The following ABCA6 variants were observed in gnomAD, a reference collection of about 807,000 sequenced individuals.
ABCA6 encodes the protein ATP-binding cassette sub-family A member 6.
ABCA6 carries 164 observed loss-of-function variants against 191.2 expected under a neutral mutation model. The observed-to-expected ratio is 0.86, with a 90% CI of 0.76 to 0.98. The LOEUF is 0.98. ABCA6 is among the 50% of genes least tolerant of loss of function. The probability of loss-of-function intolerance (pLI) is 0.00; values close to 1 mark genes in which losing one functional copy is unlikely to be tolerated. For synonymous variants in ABCA6, 636 were observed against 647.7 expected, an observed-to-expected ratio of 0.98 and a Z score of 0.27; for missense variants, 1,958 against 1,894.1, an observed-to-expected ratio of 1.03 and a Z score of -0.63.
At chr17:69,111,086 A>G (rs1242778919) in intron 16 of ABCA6, 146 bp from the exon 17 acceptor site, 2 of 673,238 alleles carry the variant, frequency 3.0e-6, no homozygotes, top group East Asian at 5.8e-5. Context: ...CATGATAGTA[A>G]TCTATCAGTT....
intron 25 of ABCA6, among the ~76,000 whole-genome samples, chr17:69,091,523 CTTT>C (rs1196866549): frequency 1.3e-5 from 1 of 76,394 alleles, no homozygotes; most frequent in Non-Finnish European, 2.8e-5. Flanking sequence ...AAATAGACTT[CTTT>C]TTTTTTTTTT....
chr17:69,111,078 T>A, intron 16 of ABCA6, 138 bp from the exon 17 acceptor site: 1 of 729,174 alleles, frequency 1.4e-6, no homozygotes, highest in Non-Finnish European at 2.1e-6. Flanking sequence ...AATACTAACA[T>A]GATAGTAATC....
At position 69,088,209 on chromosome 17, in the gene ABCA6, A is replaced by G; in HGVS notation, c.3656T>C (p.Leu1219Pro). Residue 1219 changes from leucine to proline, a missense_variant, in exon 28 of 39, where the codon CTA becomes CCA. Leu to Pro is a moderately conservative substitution (Grantham distance 98). Transcript: ENST00000284425. ...TCGCATTCTTTTCTTTCCACATTTTAGTTCCATGCATCTTAGAACAAAAAC... is the reference window on the plus strand; with the variant it reads ...TCGCATTCTTTTCTTTCCACATTTTGGTTCCATGCATCTTAGAACAAAAAC... ...LFVFVLRCME[L>P]KCGKKRMRKD... 1 of 1,612,916 alleles carries G rather than the reference A, an allele frequency of 6.2e-7. No individual in the cohort carries two copies.
Position 69,088,233 on chromosome 17 carries a change from A to G in ABCA6, c.3632T>C (p.Val1211Ala). The change falls in exon 28 of 39, where the codon GTT (valine) becomes GCT (alanine). Residue 1211 changes from valine to alanine, a missense_variant. By Grantham distance (64) the Val-to-Ala change is moderately conservative. Coordinates refer to ENST00000284425, the MANE Select transcript of ABCA6 (RefSeq NM_080284.3). ...FIPYFQTLLF[V>A]FVLRCMELKC... ...TAGTTCCATGCATCTTAGAACAAAAACGAATAGCAAAGTCTGAAAGTAGGG... is the reference window on the plus strand; with the variant it reads ...TAGTTCCATGCATCTTAGAACAAAAGCGAATAGCAAAGTCTGAAAGTAGGG... 6.2e-7 allele frequency: 1 copy of G among 1,611,822 alleles called. No individual in the cohort carries two copies. Among genetic ancestry groups the G allele is most frequent in the Non-Finnish European group, 8.5e-7 (1 of 1,178,786 alleles).
chr17:69,110,057 C>T (rs2073391654), intron 17 of ABCA6: 1 of 152,152 alleles, frequency 6.6e-6, no homozygotes, highest in African/African-American at 2.4e-5. Flanking sequence ...GTTACAGCCA[C>T]AATGCGTGTT....
Position 69,084,286 on chromosome 17 carries a change from C to A in ABCA6, c.4330G>T (p.Asp1444Tyr). The part of the protein sequence containing the change: ...LLLDEPSTGI[D>Y]PTGQQQMWQA... ...CACATTTGCTGCTGCCCTGTGGGGTCTATGCCCGTAGATGGTTCATCCAGG... is the reference window on the plus strand; with the variant it reads ...CACATTTGCTGCTGCCCTGTGGGGTATATGCCCGTAGATGGTTCATCCAGG... The change falls in exon 34 of 39, where the codon GAC becomes TAC. Residue 1444 changes from aspartate to tyrosine, a missense_variant. Physicochemically the swap from Asp to Tyr is radical, Grantham distance 160 (BLOSUM62 -3). Coordinates refer to ENST00000284425, the MANE Select transcript of ABCA6 (RefSeq NM_080284.3). 1 of 1,614,132 alleles carries A rather than the reference C, an allele frequency of 6.2e-7. No individual in the cohort carries two copies. Among genetic ancestry groups the A allele is most frequent in the South Asian group, 1.1e-5 (1 of 91,082 alleles).
chr17:69,132,776 G>A (rs535768961), intron 6 of ABCA6, among the ~76,000 whole-genome samples: 1 of 152,190 alleles, frequency 6.6e-6, no homozygotes, highest in South Asian at 2.1e-4. Flanking sequence ...CAGTGTGCCT[G>A]GCCTATTTGC....
At chr17:69,134,992 C>T (rs2073927196) in intron 4 of ABCA6, among the ~76,000 whole-genome samples, 1 of 148,928 alleles carries the variant, frequency 6.7e-6, no homozygotes, top group South Asian at 2.2e-4. Flanking sequence ...AAGTGATTCT[C>T]CTACCTCAGC....
intron 11 of ABCA6, 78 bp from the exon 12 acceptor site, chr17:69,115,564 G>T (rs2073523056): frequency 2.1e-6 from 2 of 941,702 alleles, no homozygotes; most frequent in African/African-American, 1.6e-5. Flanking sequence ...TCCCAACATA[G>T]AACAAGGCTA....
At chr17:69,096,496 T>C (rs909425082) in intron 24 of ABCA6, 132 bp downstream of exon 24, 2 of 822,906 alleles carry the variant, frequency 2.4e-6, no homozygotes, top group Non-Finnish European at 3.5e-6. Flanking sequence ...TTATCATACA[T>C]GCACTTTGCA....
intron 16 of ABCA6, chr17:69,111,376 A>G (rs1035986697): frequency 2.0e-5 from 3 of 153,130 alleles, no homozygotes; most frequent in Admixed American, 6.5e-5. Flanking sequence ...ATATACACCA[A>G]TATGGTTTGG....
chr17:69,137,453 G>C lies in ABCA6; in HGVS notation c.144C>G (p.Ser48=). ...GAAACTGGACATTTCTCATGGAACTGGAAAACAGAGCAATACACAGTCCTA... is the reference window on the plus strand; with the variant it reads ...GAAACTGGACATTTCTCATGGAACTCGAAAACAGAGCAATACACAGTCCTA... ...ILLGLCIALF[S]SSMRNVQFPG... is the part of the protein sequence containing the mutation. The change falls in exon 3 of 39, where the codon TCC becomes TCG. Residue 48 remains serine (S), a synonymous_variant. Transcript: ENST00000284425. 2 of 1,613,660 alleles carry C rather than the reference G, an allele frequency of 1.2e-6. No individual in the cohort carries two copies. The highest frequency in any genetic ancestry group is 1.7e-6 in the Non-Finnish European group (2 of 1,179,764).
chr17:69,091,347 T>C, intron 25 of ABCA6, 85 bp from the exon 26 acceptor site: 1 of 1,445,448 alleles, frequency 6.9e-7, no homozygotes, highest in Admixed American at 1.8e-5. Context: ...GGTGTTCTCA[T>C]GATGTATATC....
Position 69,084,448 on chromosome 17 carries a change from G to T in ABCA6, c.4244C>A (p.Ala1415Glu), listed in dbSNP as rs2072724302. 1.2e-6 allele frequency: 2 copies of T among 1,614,024 alleles called. No homozygotes were observed. Among genetic ancestry groups the T allele is most frequent in the Admixed American group, 3.3e-5 (2 of 59,994 alleles). Residue 1415 changes from alanine (A) to glutamate (E), a missense_variant, in exon 33 of 39, where the codon GCA becomes GAA. Coordinates refer to ENST00000284425, the MANE Select transcript of ABCA6 (RefSeq NM_080284.3). ...QLNVPVQKLT[A>E]GITRKLCFVL... ...CGCACGTACCTTTCTCGTGATTCCTGCTGTTAATTTCTGCACAGGAACATT... is the reference window on the plus strand; with the variant it reads ...CGCACGTACCTTTCTCGTGATTCCTTCTGTTAATTTCTGCACAGGAACATT...
At position 69,114,829 on chromosome 17, in the gene ABCA6, G is replaced by A; in HGVS notation, c.1715C>T (p.Thr572Ile). The change falls in exon 13 of 39, where the codon ACC becomes ATC. Residue 572 changes from threonine (T) to isoleucine (I), a missense_variant. Thr to Ile is a moderately conservative substitution (Grantham distance 89, BLOSUM62 -1). Transcript: ENST00000284425. ...AAACAGGCTGAGGTTTTCCTTCACGGTGAGTATGTCAAATTGAACATTGAA... is the reference window on the plus strand; with the variant it reads ...AAACAGGCTGAGGTTTTCCTTCACGATGAGTATGTCAAATTGAACATTGAA... ...PQFNVQFDIL[T>I]VKENLSLFAK... 1 of 1,612,298 alleles carries A rather than the reference G, an allele frequency of 6.2e-7. No homozygotes were observed. Among genetic ancestry groups the A allele is most frequent in the Non-Finnish European group, 8.5e-7 (1 of 1,179,118 alleles).
chr17:69,113,255 T>A lies in ABCA6; in HGVS notation c.2008A>T (p.Thr670Ser), dbSNP rs1230132378. Residue 670 changes from threonine to serine, a missense_variant, in exon 15 of 39, where the codon ACC (threonine) becomes TCC (serine). Transcript: ENST00000284425. ...RRADHVILFS[T>S]QSMDEADILA... ...ATGTCAGCCTCATCCATGGACTGGG[T>A]ACTGAAAAGGATCACATGATCTGCT... 1 of 1,606,062 alleles carries A rather than the reference T, an allele frequency of 6.2e-7. No homozygotes were observed. The highest frequency in any genetic ancestry group is 8.5e-7 in the Non-Finnish European group (1 of 1,177,494).
intron 22 of ABCA6, chr17:69,099,752 CA>C (rs1162132645): frequency 1.9e-5 from 3 of 153,982 alleles, no homozygotes; most frequent in African/African-American, 7.2e-5. Context: ...TTTACGTGAT[CA>C]GTCGGTCATA....
rs2073686172 is a variant in ABCA6, at chr17:69,123,338, G to A, written c.1337C>T (p.Thr446Ile). The A allele has an allele frequency of 6.4e-7, 1 of 1,569,944 alleles. No individual in the cohort carries two copies. Among genetic ancestry groups the A allele is most frequent in the Admixed American group, 1.7e-5 (1 of 58,656 alleles). Residue 446 changes from threonine (T) to isoleucine (I), a missense_variant, in exon 10 of 39, where the codon ACT (threonine) becomes ATT (isoleucine). Coordinates refer to ENST00000284425, the MANE Select transcript of ABCA6 (RefSeq NM_080284.3). The part of the protein sequence containing the change: ...NSSSCFQHQR[T>I]NAKVIEKEID... The stretch of plus-strand genomic sequence containing the variant: ...TTCTTTCTCAATAACCTTAGCATTA[G>A]TCCTTTGGTGTTGGAAACAAGATGA...
intron 22 of ABCA6, 139 bp downstream of exon 22, chr17:69,100,658 T>A: frequency 1.1e-6 from 1 of 918,718 alleles, no homozygotes; most frequent in Non-Finnish European, 1.5e-6. Flanking sequence ...TTGTTTGCTA[T>A]AACCCATTGA....
Sources: gnomAD v4.1 joint callset for allele counts (sites outside exome capture counted in the v4.1 genomes callset) on GRCh38, gnomAD v4.1.1 for gene constraint, MANE v1.5 for transcripts, NCBI Gene and HGNC (gene_info 2026-07-23, HGNC 2026-07-21) for gene names.